Variants in CSMD3 observed in about 807,000 individuals in gnomAD.
The protein encoded by CSMD3 is CUB and sushi domain-containing protein 3.
CSMD3 carries 177 observed loss-of-function variants against 435.2 expected under a neutral mutation model. That is an observed-to-expected ratio of 0.41 (90% CI 0.36 to 0.46). The LOEUF is 0.46. CSMD3 is among the 20% of genes least tolerant of loss of function. The pLI, the probability that CSMD3 is intolerant of heterozygous loss-of-function variation, is 0.34. For missense variants in CSMD3, 4,265 were observed against 4,504.6 expected, an observed-to-expected ratio of 0.95 and a Z score of 1.52; for synonymous variants, 1,656 against 1,520.5, an observed-to-expected ratio of 1.09 and a Z score of -2.07.
chr8:113,217,604 A>C (rs2092919940), intron 3 of CSMD3, among the ~76,000 whole-genome samples: 1 of 151,716 alleles, frequency 6.6e-6, no homozygotes, highest in African/African-American at 2.4e-5. Flanking sequence ...GCGTATTCAA[A>C]ATTGTAGGAA....
chr8:112,331,693 T>C (rs892320777), intron 45 of CSMD3, among the ~76,000 whole-genome samples: 8 of 151,980 alleles, frequency 5.3e-5, no homozygotes, highest in African/African-American at 1.9e-4. Context: ...ATACAAGTCT[T>C]GAGAAAATCA....
rs547934596 is a variant in CSMD3 at position 112,428,686 on chromosome 8, A to C, written c.5396-19654T>G. ...CTTTTCTTGGTGTTCCATTCATGTG[A>C]CTCTTTACTTAGAATGACTTTTCTC... is the stretch of plus-strand genomic sequence containing the variant. On this transcript the variant is annotated intron_variant, in intron 32 of 70. Coordinates refer to ENST00000297405, the MANE Select transcript of CSMD3 (RefSeq NM_198123.2). Among the ~76,000 whole-genome samples, 8 of 151,946 alleles carry C rather than the reference A, an allele frequency of 5.3e-5. No homozygotes were observed. In the South Asian group the frequency reaches 1.7e-3, roughly 32 times the overall value.
rs192527638 is a variant in CSMD3 at position 113,221,755 on chromosome 8, A to C, written c.515-47839T>G. Reference sequence around the variant, plus strand: ...TTCTGTACTAAAAGATTGTCTTATCAGAGAGACATATCCTTATTAGCTCTT... The same window carrying C: ...TTCTGTACTAAAAGATTGTCTTATCCGAGAGACATATCCTTATTAGCTCTT... On this transcript the variant is annotated intron_variant, in intron 3 of 70. Transcript: ENST00000297405. 6.1e-4 allele frequency among the ~76,000 whole-genome samples: 92 copies of C among 151,412 alleles called. 1 individual carries two copies. In the East Asian group the frequency reaches 0.01, roughly 17 times the overall value.
At chr8:113,244,801 T>C (rs1432201459) in intron 3 of CSMD3, among the ~76,000 whole-genome samples, 1 of 152,170 alleles carries the variant, frequency 6.6e-6, no homozygotes, top group African/African-American at 2.4e-5. Flanking sequence ...TCTGTGAATA[T>C]ATGAAGTCTA....
At chr8:112,876,679 T>A (rs765784120) in intron 10 of CSMD3, among the ~76,000 whole-genome samples, 42 of 151,948 alleles carry the variant, frequency 2.8e-4, no homozygotes, top group South Asian at 6.2e-4. Flanking sequence ...CTGGAAGCAT[T>A]CCCTTTGAAA....
At chr8:112,468,283 G>C (rs183295003) in intron 32 of CSMD3, among the ~76,000 whole-genome samples, 1 of 127,798 alleles carries the variant, frequency 7.8e-6, no homozygotes, top group Admixed American at 9.0e-5. Context: ...CATATCTTCA[G>C]CTTTGTCTTC....
At chr8:112,958,968 A>G (rs150051658) in intron 7 of CSMD3, among the ~76,000 whole-genome samples, 8 of 152,230 alleles carry the variant, frequency 5.3e-5, no homozygotes, top group African/African-American at 1.7e-4. Flanking sequence ...GTGACCTTCA[A>G]TTGGTCCTTT....
intron 3 of CSMD3, among the ~76,000 whole-genome samples, chr8:113,188,126 A>C (rs1288069473): frequency 6.6e-6 from 1 of 151,920 alleles, no homozygotes; most frequent in Non-Finnish European, 1.5e-5. Context: ...AATAGTTTTT[A>C]TTTTCTATTA....
At chr8:112,842,613 GAAATT>G (rs2080211662) in intron 11 of CSMD3, among the ~76,000 whole-genome samples, 1 of 151,712 alleles carries the variant, frequency 6.6e-6, no homozygotes, top group Non-Finnish European at 1.5e-5. Flanking sequence ...AGAGTCATAA[GAAATT>G]AAATTATTGA....
At chr8:112,399,755 T>C (rs989181074) in intron 35 of CSMD3, among the ~76,000 whole-genome samples, 4 of 152,180 alleles carry the variant, frequency 2.6e-5, no homozygotes, top group African/African-American at 4.8e-5. Context: ...TTTGCCACAT[T>C]ATAACAAGAA....
At chr8:112,680,812 G>A (rs1008781759) in intron 16 of CSMD3, among the ~76,000 whole-genome samples, 5 of 152,006 alleles carry the variant, frequency 3.3e-5, no homozygotes, top group African/African-American at 1.2e-4. Flanking sequence ...CAATATATAG[G>A]TAATGCTTCA....
intron 9 of CSMD3, among the ~76,000 whole-genome samples, chr8:112,922,688 T>G (rs2082783185): frequency 6.6e-6 from 1 of 152,050 alleles, no homozygotes; most frequent in South Asian, 2.1e-4. Context: ...CCCACGTTGT[T>G]GCAAATGACA....
chr8:112,938,152 T>C (rs2083342959), intron 9 of CSMD3, among the ~76,000 whole-genome samples: 1 of 152,184 alleles, frequency 6.6e-6, no homozygotes, highest in Admixed American at 6.6e-5. Flanking sequence ...CTATAAGTGC[T>C]GAAATAAGTT....
At chr8:113,133,032 C>A (rs539072599) in intron 4 of CSMD3, among the ~76,000 whole-genome samples, 6 of 151,920 alleles carry the variant, frequency 3.9e-5, no homozygotes, top group Non-Finnish European at 5.9e-5. Flanking sequence ...AAAAAGAAAA[C>A]CAAAATCAGA....
chr8:112,392,947 C>T (rs1354214378), intron 35 of CSMD3, among the ~76,000 whole-genome samples: 4 of 149,262 alleles, frequency 2.7e-5, no homozygotes, highest in African/African-American at 5.0e-5. Flanking sequence ...CTCACTGCAG[C>T]CTCAAATTCC....
chr8:112,825,180 C>T (rs574454476), intron 12 of CSMD3, among the ~76,000 whole-genome samples: 6 of 152,252 alleles, frequency 3.9e-5, no homozygotes, highest in African/African-American at 9.6e-5. Context: ...TCTCTCTATA[C>T]TGGTTATTCT....
chr8:112,981,532 A>C (rs2085052995), intron 6 of CSMD3, among the ~76,000 whole-genome samples: 1 of 151,624 alleles, frequency 6.6e-6, no homozygotes, highest in African/African-American at 2.4e-5. Flanking sequence ...GCTGTCATTT[A>C]TCATGTACAA....
chr8:113,328,755 T>TTTTTTTTTTTTTTTTTTTTTTTTTTTTC, intron 1 of CSMD3, among the ~76,000 whole-genome samples: 1 of 137,150 alleles, frequency 7.3e-6, no homozygotes. Flanking sequence ...TTTTTTTTTT[T>TTTTTTTTTTTTTTTTTTTTTTTTTTTTC]TTTTGATACA....
intron 61 of CSMD3, among the ~76,000 whole-genome samples, chr8:112,257,862 G>A (rs1177786667): frequency 3.3e-5 from 5 of 152,032 alleles, no homozygotes; most frequent in Admixed American, 6.6e-5. Context: ...GAGGCATCAC[G>A]CTACCTGACT....
Sources: allele counts gnomAD v4.1 joint callset (sites outside exome capture counted in the v4.1 genomes callset), GRCh38; gene constraint gnomAD v4.1.1; transcripts MANE v1.5; gene names NCBI Gene and HGNC (gene_info 2026-07-23, HGNC 2026-07-21).